LINGO2: variants seen among roughly 807,000 people sequenced by gnomAD.
LINGO2 encodes the protein leucine rich repeat and Ig domain containing 2.
LINGO2 carries 14 observed loss-of-function variants against 30.6 expected under a neutral mutation model. That is an observed-to-expected ratio of 0.46 (90% CI 0.30 to 0.72). LINGO2 has a LOEUF of 0.72. LINGO2 is among the 30% of genes least tolerant of loss of function. The probability of loss-of-function intolerance (pLI) is 0.07; values close to 1 mark genes in which losing one functional copy is unlikely to be tolerated. For missense variants in LINGO2, 729 were observed against 751.7 expected, an observed-to-expected ratio of 0.97 and a Z score of 0.35; for synonymous variants, 317 against 288.5, an observed-to-expected ratio of 1.10 and a Z score of -1.00.
chr9:28,313,015 T>A, intron 3 of LINGO2, among the ~76,000 whole-genome samples: 1 of 152,136 alleles, frequency 6.6e-6, no homozygotes, highest in East Asian at 1.9e-4. Context: ...ATACAAAGAT[T>A]AATAGTCCAG....
At chr9:29,066,290 A>C in the LINGO2 span, among the ~76,000 whole-genome samples, 2 of 151,988 alleles carry the variant, frequency 1.3e-5, no homozygotes, top group Non-Finnish European at 2.9e-5. Context: ...GATACGTCGC[A>C]AGAGAAGAAT....
chr9:28,176,724 A>C (rs1828760703), intron 4 of LINGO2, among the ~76,000 whole-genome samples: 1 of 152,218 alleles, frequency 6.6e-6, no homozygotes, highest in South Asian at 2.1e-4. Context: ...TCTGCTCAGC[A>C]CACCAAAGAC....
chr9:28,824,138 C>T, the LINGO2 span, among the ~76,000 whole-genome samples: 361 of 152,158 alleles, frequency 2.4e-3, 1 homozygote, highest in African/African-American at 8.5e-3. Flanking sequence ...GTTTGTTTCA[C>T]GGTAATAACT....
intron 1 of LINGO2, among the ~76,000 whole-genome samples, chr9:28,583,923 C>A (rs1404904163): frequency 6.6e-6 from 1 of 151,978 alleles, no homozygotes; most frequent in Non-Finnish European, 1.5e-5. Flanking sequence ...CATTATCAAT[C>A]ACACATTGGT....
intron 3 of LINGO2, among the ~76,000 whole-genome samples, chr9:28,358,831 T>G (rs1022673309): frequency 2.0e-5 from 3 of 152,128 alleles, no homozygotes; most frequent in African/African-American, 7.2e-5. Flanking sequence ...AGTAGACAAC[T>G]GCTGGAGGCT....
chr9:27,954,572 A>T (rs7863674), intron 5 of LINGO2, among the ~76,000 whole-genome samples: 429 of 152,216 alleles, frequency 2.8e-3, no homozygotes, highest in African/African-American at 0.01. Flanking sequence ...CATGTACCAC[A>T]TTTTCTTTAT....
At chr9:28,746,102 T>C in the LINGO2 span, among the ~76,000 whole-genome samples, 126 of 152,140 alleles carry the variant, frequency 8.3e-4, 1 homozygote, top group South Asian at 2.3e-3. Flanking sequence ...AAATTATAGA[T>C]GAGATTATTG....
chr9:28,553,098 C>G (rs893883784), intron 1 of LINGO2, among the ~76,000 whole-genome samples: 1 of 152,064 alleles, frequency 6.6e-6, no homozygotes, highest in Non-Finnish European at 1.5e-5. Context: ...CACCTCTCCT[C>G]CTCCAAAGGA....
the LINGO2 span, among the ~76,000 whole-genome samples, chr9:28,814,663 G>A: frequency 0.014 from 2,094 of 152,164 alleles, 36 homozygotes; most frequent in African/African-American, 0.047. Flanking sequence ...CGAGGCAGAC[G>A]GATCACGAGG....
intron 2 of LINGO2, among the ~76,000 whole-genome samples, chr9:28,467,763 T>C (rs1411486222): frequency 1.3e-5 from 2 of 152,090 alleles, no homozygotes; most frequent in Non-Finnish European, 2.9e-5. Flanking sequence ...AGATTGCAAA[T>C]AAAAGTCACA....
chr9:28,644,680 A>G (rs934449355), intron 1 of LINGO2, among the ~76,000 whole-genome samples: 1 of 151,966 alleles, frequency 6.6e-6, no homozygotes, highest in Non-Finnish European at 1.5e-5. Flanking sequence ...TAAATAAGTA[A>G]AAGGGTATAA....
chr9:28,940,495 A>T, the LINGO2 span, among the ~76,000 whole-genome samples: 1 of 152,008 alleles, frequency 6.6e-6, no homozygotes, highest in African/African-American at 2.4e-5. Context: ...ATGACAAAGA[A>T]CTGTAATTCT....
the LINGO2 span, among the ~76,000 whole-genome samples, chr9:28,690,406 T>C: frequency 2.0e-5 from 3 of 152,142 alleles, no homozygotes; most frequent in Admixed American, 6.6e-5. Flanking sequence ...GCTAAACTTG[T>C]GGCAATTTCT....
At chr9:28,409,562 T>A (rs1779987599) in intron 2 of LINGO2, among the ~76,000 whole-genome samples, 1 of 152,018 alleles carries the variant, frequency 6.6e-6, no homozygotes, top group South Asian at 2.1e-4. Flanking sequence ...GACTTTAATT[T>A]TATATTTCAT....
the LINGO2 span, among the ~76,000 whole-genome samples, chr9:29,101,210 C>T: frequency 2.0e-5 from 3 of 152,114 alleles, no homozygotes; most frequent in Admixed American, 6.5e-5. Context: ...AGTAATACAA[C>T]ATTTATACCA....
At chr9:28,943,749 G>T in the LINGO2 span, among the ~76,000 whole-genome samples, 1 of 152,202 alleles carries the variant, frequency 6.6e-6, no homozygotes, top group Non-Finnish European at 1.5e-5. Context: ...GGCTGGTGAT[G>T]GATCAGTGGA....
chr9:29,175,844 T>TA, the LINGO2 span, among the ~76,000 whole-genome samples: 2 of 152,150 alleles, frequency 1.3e-5, no homozygotes, highest in African/African-American at 4.8e-5. Flanking sequence ...AATATTTTTT[T>TA]AAAAAAGAGT....
chr9:28,383,660 T>C (rs1821449091), intron 2 of LINGO2, among the ~76,000 whole-genome samples: 2 of 152,088 alleles, frequency 1.3e-5, no homozygotes, highest in Admixed American at 1.3e-4. Context: ...ACTAAATTAA[T>C]ACTGAATGTT....
At chr9:28,218,377 C>T (rs1663266721) in intron 4 of LINGO2, among the ~76,000 whole-genome samples, 1 of 151,642 alleles carries the variant, frequency 6.6e-6, no homozygotes, top group African/African-American at 2.4e-5. Flanking sequence ...GGATCATGCC[C>T]TCCAGTGACT....
Sources: allele counts gnomAD v4.1 joint callset (sites outside exome capture counted in the v4.1 genomes callset), GRCh38; gene constraint gnomAD v4.1.1; transcripts MANE v1.5; gene names NCBI Gene and HGNC (gene_info 2026-07-23, HGNC 2026-07-21).